Variants in TNNT3 observed in about 807,000 individuals in gnomAD.
The protein encoded by TNNT3 is troponin T3, fast skeletal type, also known as troponin T, fast skeletal muscle.
Under a neutral mutation model 54.2 loss-of-function variants are expected in TNNT3, and 36 were observed. The observed-to-expected ratio is 0.66, with a 90% CI of 0.51 to 0.88. The LOEUF (loss-of-function observed/expected upper bound fraction) is 0.88, where lower values mean the gene tolerates loss of function less well. Ranked by LOEUF, TNNT3 falls within the 40% of genes least tolerant of loss-of-function variation. TNNT3 has a pLI of 0.00. For synonymous variants in TNNT3, 120 were observed against 109.7 expected (o/e 1.09, Z -0.59); for missense variants, 291 against 331.6 (o/e 0.88, Z 0.95).
chr11:1,933,804 G>A lies in TNNT3; in HGVS notation c.255G>A (p.Glu85=), dbSNP rs773872753. ...IDSHFEARKK[E]EEELVALKER... ...GCCACTTTGAAGCCCGGAAGAAGGAGGAGGAGGAGCTGGTCGCTCTCAAAG... is the reference window on the plus strand; with the variant it reads ...GCCACTTTGAAGCCCGGAAGAAGGAAGAGGAGGAGCTGGTCGCTCTCAAAG... Residue 85 remains glutamate (E), a synonymous_variant, in exon 10 of 16, where the codon GAG becomes GAA. Coordinates refer to ENST00000278317, the MANE Select transcript of TNNT3 (RefSeq NM_006757.4). 6.2e-7 allele frequency: 1 copy of A among 1,612,880 alleles called. No individual in the cohort carries two copies. Among genetic ancestry groups the A allele is most frequent in the Admixed American group, 1.7e-5 (1 of 60,032 alleles).
intron 5 of TNNT3, 104 bp from the exon 6 acceptor site, chr11:1,926,591 C>T (rs1589918452): frequency 6.2e-7 from 1 of 1,608,116 alleles, no homozygotes; most frequent in East Asian, 2.2e-5. Context: ...GGCCTGCTCG[C>T]TCCGCCGCCT....
In TNNT3 at chr11:1,934,674, G is replaced by A; in HGVS notation, c.590+19G>A. 1.2e-6 allele frequency: 2 copies of A among 1,608,678 alleles called. No individual in the cohort carries two copies. Among genetic ancestry groups the A allele is most frequent in the Non-Finnish European group, 1.7e-6 (2 of 1,177,894 alleles). On this transcript the variant is annotated intron_variant, in intron 13 of 15. Transcript: ENST00000278317. Reference sequence around the variant, plus strand: ...AACTGAGGTGAGGGGTGGGTGTTGTGGGGCTCAGCCCCACGGGGTGGCCCC... The same window carrying A: ...AACTGAGGTGAGGGGTGGGTGTTGTAGGGCTCAGCCCCACGGGGTGGCCCC...
intron 4 of TNNT3, chr11:1,924,773 A>G (rs1274945940): frequency 5.4e-6 from 3 of 553,532 alleles, no homozygotes; most frequent in Non-Finnish European, 9.8e-6. Flanking sequence ...GCAGGACTTA[A>G]CAAGGGCCCC....
chr11:1,922,661 TG>T, intron 1 of TNNT3, 195 bp from the exon 2 acceptor site: 1 of 626,992 alleles, frequency 1.6e-6, no homozygotes, highest in Middle Eastern at 3.6e-4. Context: ...CGCCAAGAGC[TG>T]GGAGGGGCCA....
Position 1,938,486 on chromosome 11 carries a change from G to A in TNNT3, c.771G>A (p.Trp257Ter), listed in dbSNP as rs759458887. Residue 257 changes from tryptophan to a stop codon, truncating the protein, a stop_gained, in exon 16 of 16, where the codon TGG becomes TGA. Coordinates refer to ENST00000278317, the MANE Select transcript of TNNT3 (RefSeq NM_006757.4). LOFTEE classifies it high-confidence loss of function. ...CCAAGGGCAAAGTCGGCGGGCGCTGGAAGTAGAGAGGCCAGAAAGGCCCCT... is the reference window on the plus strand; with the variant it reads ...CCAAGGGCAAAGTCGGCGGGCGCTGAAAGTAGAGAGGCCAGAAAGGCCCCT... ...TPAKGKVGGR[W>*]K 1.2e-6 allele frequency: 2 copies of A among 1,613,316 alleles called. No individual in the cohort carries two copies. The highest frequency in any genetic ancestry group is 3.3e-5 in the Admixed American group (2 of 60,028).
chr11:1,928,580 A>G (rs1852301534), intron 6 of TNNT3, among the ~76,000 whole-genome samples: 1 of 152,138 alleles, frequency 6.6e-6, no homozygotes, highest in Non-Finnish European at 1.5e-5. Flanking sequence ...GAGACCAGCA[A>G]GGAGTTAGAC....
In TNNT3 at chr11:1,933,819, C is replaced by T. The variant is rs533262043; in HGVS notation, c.270C>T (p.Val90=). The T allele has an allele frequency of 1.2e-5, 19 of 1,612,544 alleles. 1 individual carries two copies. The highest frequency in any genetic ancestry group is 1.6e-4 in the Middle Eastern group (1 of 6,084). Residue 90 remains valine (V), a synonymous_variant, in exon 10 of 16, where the codon GTC becomes GTT. Coordinates refer to ENST00000278317, the MANE Select transcript of TNNT3 (RefSeq NM_006757.4). Reference sequence around the variant, plus strand: ...GGAAGAAGGAGGAGGAGGAGCTGGTCGCTCTCAAAGAGAGAATCGTGAGTG... The same window carrying T: ...GGAAGAAGGAGGAGGAGGAGCTGGTTGCTCTCAAAGAGAGAATCGTGAGTG... ...EARKKEEEEL[V]ALKERIEKRR...
chr11:1,937,151 G>T (rs1855359342), intron 15 of TNNT3, 148 bp downstream of exon 15: 2 of 861,000 alleles, frequency 2.3e-6, no homozygotes, highest in African/African-American at 1.7e-5. Flanking sequence ...AGGCCAGCAT[G>T]CGCAGGCCTG....
chr11:1,933,774 CG>C lies in TNNT3; in HGVS notation c.226del (p.Asp76ThrfsTer66). ...ACCTAATGGAGCTCCAGGCCCTCAT[CG>C]ACAGCCACTTTGAAGCCCGGAAGAA... ...KDLMELQALI[D>X]SHFEARKKEE... On this transcript the variant is annotated frameshift_variant, in exon 10 of 16. Coordinates refer to ENST00000278317, the MANE Select transcript of TNNT3 (RefSeq NM_006757.4). LOFTEE classifies it high-confidence loss of function. 5 of 1,612,884 alleles carry C rather than the reference CG, an allele frequency of 3.1e-6. No homozygotes were observed. The highest frequency in any genetic ancestry group is 4.2e-6 in the Non-Finnish European group (5 of 1,179,920).
chr11:1,925,019 G>A, intron 4 of TNNT3, 80 bp from the exon 5 acceptor site: 1 of 1,550,980 alleles, frequency 6.4e-7, no homozygotes, highest in Non-Finnish European at 8.9e-7. Context: ...CTTGCGGCCT[G>A]AGTACACTCT....
At chr11:1,926,426 C>A in intron 5 of TNNT3, 1 of 1,613,042 alleles carries the variant, frequency 6.2e-7, no homozygotes. Flanking sequence ...GACCTCTGAC[C>A]CGCGGTTTTG....
At chr11:1,923,121 G>T in intron 3 of TNNT3, 60 bp downstream of exon 3, 3 of 1,606,808 alleles carry the variant, frequency 1.9e-6, no homozygotes, top group Non-Finnish European at 2.6e-6. Context: ...TCACATGTGG[G>T]CAGGGGGCTG....
chr11:1,929,186 C>G, intron 7 of TNNT3, 43 bp downstream of exon 7: 1 of 1,608,922 alleles, frequency 6.2e-7, no homozygotes, highest in Non-Finnish European at 8.5e-7. Context: ...GACCCTGGCT[C>G]TAGCCGACGC....
chr11:1,929,988 C>T (rs1431729157), intron 8 of TNNT3, among the ~76,000 whole-genome samples, 160 bp downstream of exon 8: 2 of 152,062 alleles, frequency 1.3e-5, no homozygotes, highest in Non-Finnish European at 2.9e-5. Flanking sequence ...TCGTGTGTTC[C>T]GTGGTGGAGG....
At chr11:1,936,529 G>A (rs1030062054) in intron 14 of TNNT3, among the ~76,000 whole-genome samples, 5 of 152,318 alleles carry the variant, frequency 3.3e-5, no homozygotes, top group East Asian at 1.9e-4. Flanking sequence ...GCACGAGGGC[G>A]GGAGCGGCTG....
intron 7 of TNNT3, 84 bp from the exon 8 acceptor site, chr11:1,929,726 A>C: frequency 6.8e-7 from 1 of 1,476,388 alleles, no homozygotes; most frequent in African/African-American, 1.4e-5. Flanking sequence ...CCAGGGCCGC[A>C]GGCCGCCCAG....
At chr11:1,926,746 C>T (rs768679489) in intron 6 of TNNT3, 37 bp downstream of exon 6, 22 of 1,612,752 alleles carry the variant, frequency 1.4e-5, no homozygotes, top group South Asian at 2.2e-5. Flanking sequence ...GCCAGAGTCT[C>T]CGTCCTCCCT....
At position 1,926,514 on chromosome 11, in the gene TNNT3, G is replaced by A. The variant is rs147893190; in HGVS notation, c.68-181G>A. 4,055 of 1,612,352 alleles carry A rather than the reference G, an allele frequency of 2.5e-3. 12 individuals carry two copies. Among genetic ancestry groups the A allele is most frequent in the Non-Finnish European group, 3.1e-3 (3,651 of 1,179,264 alleles). ...CATGACTTCGATGCCACATGGGCACGTGTGGCCATGTGGGGGGTGCAGGAC... is the reference window on the plus strand; with the variant it reads ...CATGACTTCGATGCCACATGGGCACATGTGGCCATGTGGGGGGTGCAGGAC... On this transcript the variant is annotated intron_variant, in intron 5 of 15. Transcript: ENST00000278317.
At chr11:1,923,272 G>C (rs1282948889) in intron 3 of TNNT3, among the ~76,000 whole-genome samples, 1 of 152,080 alleles carries the variant, frequency 6.6e-6, no homozygotes, top group East Asian at 1.9e-4. Context: ...GTCCTGAGGG[G>C]CCTGCAGGTC....
Sources: gnomAD v4.1 joint callset for allele counts (sites outside exome capture counted in the v4.1 genomes callset) on GRCh38, gnomAD v4.1.1 for gene constraint, MANE v1.5 for transcripts, NCBI Gene and HGNC (gene_info 2026-07-23, HGNC 2026-07-21) for gene names.